The following INPP4B variants were observed in gnomAD, a reference collection of about 807,000 sequenced individuals.
INPP4B encodes the protein inositol polyphosphate 4-phosphatase type II.
In INPP4B, 55 loss-of-function variants were observed where a neutral mutation model predicts 122.5. The ratio of observed to expected loss-of-function variants is 0.45; its 90% CI spans 0.36 to 0.56. INPP4B has a LOEUF of 0.56. Ranked by LOEUF, INPP4B falls within the 20% of genes least tolerant of loss-of-function variation. The pLI is 0.00. For synonymous variants in INPP4B, 403 were observed against 388.7 expected, an observed-to-expected ratio of 1.04 and a Z score of -0.43; for missense variants, 1,000 against 1,097.7, an observed-to-expected ratio of 0.91 and a Z score of 1.26.
intron 2 of INPP4B, among the ~76,000 whole-genome samples, chr4:142,712,246 G>C (rs1021459180): frequency 1.2e-4 from 19 of 152,248 alleles, no homozygotes; most frequent in African/African-American, 4.6e-4. Context: ...ACCAAGCTAA[G>C]GCACTTTGTC....
At chr4:142,802,251 C>A (rs1554012697) in intron 1 of INPP4B, among the ~76,000 whole-genome samples, 1 of 152,212 alleles carries the variant, frequency 6.6e-6, no homozygotes, top group Non-Finnish European at 1.5e-5. Flanking sequence ...GGTAATTCTA[C>A]TTCCTTTTGC....
intron 2 of INPP4B, among the ~76,000 whole-genome samples, chr4:142,502,802 C>G (rs1454225650): frequency 6.6e-6 from 1 of 152,088 alleles, no homozygotes; most frequent in Non-Finnish European, 1.5e-5. Flanking sequence ...AAAACCCTTA[C>G]TTTCAAGCCA....
intron 3 of INPP4B, among the ~76,000 whole-genome samples, chr4:142,433,894 T>G (rs1809865937): frequency 6.6e-6 from 1 of 152,140 alleles, no homozygotes; most frequent in Admixed American, 6.5e-5. Flanking sequence ...TTTGAGATTT[T>G]TTTTAAAAAA....
At chr4:142,712,773 G>A (rs939416756) in intron 2 of INPP4B, among the ~76,000 whole-genome samples, 1 of 152,080 alleles carries the variant, frequency 6.6e-6, no homozygotes, top group Non-Finnish European at 1.5e-5. Flanking sequence ...TCATTCCTAG[G>A]GAGAGGAAAG....
At chr4:142,755,740 A>G (rs1356073952) in intron 1 of INPP4B, among the ~76,000 whole-genome samples, 4 of 152,100 alleles carry the variant, frequency 2.6e-5, no homozygotes, top group Admixed American at 2.6e-4. Context: ...ACTTTGCCCT[A>G]TAAAATGTTT....
chr4:142,417,572 C>T (rs994600120), intron 5 of INPP4B, among the ~76,000 whole-genome samples: 3 of 152,012 alleles, frequency 2.0e-5, no homozygotes, highest in African/African-American at 7.2e-5. Context: ...AAACAACTTG[C>T]AAAATAGGAA....
At chr4:142,201,053 T>C (rs1840410799) in intron 14 of INPP4B, among the ~76,000 whole-genome samples, 2 of 152,094 alleles carry the variant, frequency 1.3e-5, no homozygotes, top group Non-Finnish European at 2.9e-5. Context: ...GCATATTTTA[T>C]AGAAGTTCAA....
chr4:142,818,441 C>CGTGT (rs10656794), intron 1 of INPP4B, among the ~76,000 whole-genome samples: 5,924 of 149,306 alleles, frequency 0.04, 142 homozygotes, highest in Middle Eastern at 0.066. Context: ...GCAATTTAAA[C>CGTGT]GTGTGTGTGT....
At chr4:142,593,349 A>G (rs1474440414) in intron 2 of INPP4B, among the ~76,000 whole-genome samples, 1 of 151,878 alleles carries the variant, frequency 6.6e-6, no homozygotes, top group Non-Finnish European at 1.5e-5. Flanking sequence ...TCACTCAGTC[A>G]CCTCTTATAC....
chr4:142,243,013 G>A (rs1296440842), intron 11 of INPP4B, among the ~76,000 whole-genome samples: 4 of 151,990 alleles, frequency 2.6e-5, no homozygotes, highest in Admixed American at 6.6e-5. Context: ...GATGTTTCTC[G>A]TCATTACTCT....
At chr4:142,370,595 C>G (rs1419260593) in intron 7 of INPP4B, among the ~76,000 whole-genome samples, 1 of 151,804 alleles carries the variant, frequency 6.6e-6, no homozygotes, top group East Asian at 1.9e-4. Context: ...ATGAATTCAG[C>G]AAATTTACAG....
rs370929272 is a variant in INPP4B at position 142,431,187 on chromosome 4, C to A, written c.73G>T (p.Gly25Trp). 4 of 1,612,694 alleles carry A rather than the reference C, an allele frequency of 2.5e-6. No homozygotes were observed. The African/African-American group carries it at 5.3e-5, about 22-fold the overall frequency. ...TACTTACTTGTGAACTGACAGTCCCCGGGATCATTGGCCTGGGCTGTAGGA... is the reference window on the plus strand; with the variant it reads ...TACTTACTTGTGAACTGACAGTCCCAGGGATCATTGGCCTGGGCTGTAGGA... ...FLPTAQANDP[G>W]DCQFTSIQKT... Residue 25 changes from glycine to tryptophan, a missense_variant, in exon 4 of 26, where the codon GGG (glycine) becomes TGG (tryptophan). Gly to Trp is a radical substitution (Grantham distance 184). Coordinates refer to ENST00000262992, the MANE Select transcript of INPP4B (RefSeq NM_001101669.3).
chr4:142,153,172 G>A (rs1815248260), intron 17 of INPP4B, among the ~76,000 whole-genome samples: 1 of 152,080 alleles, frequency 6.6e-6, no homozygotes, highest in Non-Finnish European at 1.5e-5. Context: ...CTTTAAATTG[G>A]TAATTGGATG....
intron 2 of INPP4B, among the ~76,000 whole-genome samples, chr4:142,524,457 T>A (rs1047801888): frequency 1.8e-4 from 27 of 152,056 alleles, no homozygotes; most frequent in Admixed American, 4.6e-4. Context: ...AATGTCTTCT[T>A]TTGAGAAGTG....
At position 142,641,612 on chromosome 4, in the gene INPP4B, T is replaced by C. The variant is rs561874383; in HGVS notation, c.-191+84227A>G. Among the ~76,000 whole-genome samples the C allele has an allele frequency of 1.3e-3, 199 of 152,324 alleles. 5 individuals are homozygous for C. In the South Asian group the frequency reaches 0.019, roughly 14 times the overall value. On this transcript the variant is annotated intron_variant, in intron 2 of 25. Transcript: ENST00000262992. ...AAGGACATGAACTCATCCTTTTTTA[T>C]GGCTGCATAGTATACCATGGTGTGT...
intron 12 of INPP4B, among the ~76,000 whole-genome samples, 165 bp from the exon 13 acceptor site, chr4:142,209,191 CA>C (rs961617277): frequency 4.0e-5 from 6 of 151,890 alleles, no homozygotes; most frequent in Admixed American, 6.6e-5. Flanking sequence ...TATTTTAGCA[CA>C]AAAAAATATG....
chr4:142,703,385 T>C (rs533781723), intron 2 of INPP4B, among the ~76,000 whole-genome samples: 10 of 152,322 alleles, frequency 6.6e-5, no homozygotes, highest in Admixed American at 3.3e-4. Flanking sequence ...AATGGTTAGG[T>C]CACAATACTA....
intron 15 of INPP4B, among the ~76,000 whole-genome samples, chr4:142,190,066 T>G (rs896338021): frequency 1.3e-5 from 2 of 152,194 alleles, no homozygotes. Flanking sequence ...ATATCTTTTC[T>G]CAGATGACAG....
At chr4:142,174,737 G>A (rs992345270) in intron 15 of INPP4B, among the ~76,000 whole-genome samples, 11 of 151,756 alleles carry the variant, frequency 7.2e-5, no homozygotes, top group African/African-American at 1.5e-4. Flanking sequence ...TGATCCTCCC[G>A]CCTCAGCCTC....
Sources: gnomAD v4.1 joint callset for allele counts (sites outside exome capture counted in the v4.1 genomes callset) on GRCh38, gnomAD v4.1.1 for gene constraint, MANE v1.5 for transcripts, NCBI Gene and HGNC (gene_info 2026-07-23, HGNC 2026-07-21) for gene names.